The following SORCS2 variants were observed in gnomAD, a reference collection of about 807,000 sequenced individuals.
SORCS2 encodes the protein sortilin related VPS10 domain containing receptor 2.
A neutral mutation model predicts 141.6 loss-of-function variants in SORCS2; 100 were observed. The ratio of observed to expected loss-of-function variants is 0.71; its 90% confidence interval spans 0.60 to 0.83. The LOEUF is 0.83. Ranked by LOEUF, SORCS2 falls within the 40% of genes least tolerant of loss-of-function variation. SORCS2 has a pLI of 0.00. For synonymous variants in SORCS2, 789 were observed against 676.9 expected (o/e 1.17, Z -2.57); for missense variants, 1,646 against 1,560.2 (o/e 1.05, Z -0.93).
intron 3 of SORCS2, among the ~76,000 whole-genome samples, chr4:7,600,612 A>G (rs1232567082): frequency 1.3e-5 from 2 of 151,094 alleles, no homozygotes; most frequent in African/African-American, 4.9e-5. Flanking sequence ...CGGTAGAGGG[A>G]ATTCCTAGCC....
chr4:7,583,375 C>T (rs1007133649), intron 3 of SORCS2, among the ~76,000 whole-genome samples: 2 of 152,186 alleles, frequency 1.3e-5, no homozygotes, highest in African/African-American at 4.8e-5. Flanking sequence ...TAGAAAAAAA[C>T]CCTGGAGCTA....
At chr4:7,707,139 C>T (rs1300067855) in intron 14 of SORCS2, among the ~76,000 whole-genome samples, 5 of 152,216 alleles carry the variant, frequency 3.3e-5, no homozygotes, top group Non-Finnish European at 2.9e-5. Context: ...AGGTGGGACC[C>T]CCTATGAGGA....
intron 3 of SORCS2, among the ~76,000 whole-genome samples, chr4:7,618,466 C>T (rs1317937445): frequency 6.6e-6 from 1 of 152,184 alleles, no homozygotes; most frequent in Admixed American, 6.5e-5. Context: ...CCAATGGTTC[C>T]CCATCCCACA....
chr4:7,278,256 C>T (rs562660882), intron 1 of SORCS2, among the ~76,000 whole-genome samples: 2 of 152,338 alleles, frequency 1.3e-5, no homozygotes, highest in South Asian at 2.1e-4. Context: ...GGGCATCCCT[C>T]TCTCCTCTGA....
At chr4:7,297,096 C>T (rs1297932620) in intron 1 of SORCS2, among the ~76,000 whole-genome samples, 1 of 152,146 alleles carries the variant, frequency 6.6e-6, no homozygotes, top group Non-Finnish European at 1.5e-5. Context: ...TGGGGGGGTC[C>T]TCCCCACCTC....
chr4:7,236,484 G>T (rs1266594976), intron 1 of SORCS2, among the ~76,000 whole-genome samples: 1 of 152,180 alleles, frequency 6.6e-6, no homozygotes, highest in Non-Finnish European at 1.5e-5. Context: ...AGGGGTTGAT[G>T]GCGTAGGTGA....
At chr4:7,282,649 G>T (rs1305069807) in intron 1 of SORCS2, among the ~76,000 whole-genome samples, 1 of 152,198 alleles carries the variant, frequency 6.6e-6, no homozygotes, top group Non-Finnish European at 1.5e-5. Context: ...TCTTTGGGTG[G>T]TGTCAGTCAC....
chr4:7,294,134 A>G (rs982216315), intron 1 of SORCS2, among the ~76,000 whole-genome samples: 9 of 152,170 alleles, frequency 5.9e-5, no homozygotes, highest in Non-Finnish European at 1.0e-4. Flanking sequence ...ACGTCTCATC[A>G]GCTGAGAGGT....
intron 2 of SORCS2, among the ~76,000 whole-genome samples, chr4:7,402,472 C>A (rs1724654714): frequency 6.6e-6 from 1 of 152,164 alleles, no homozygotes; most frequent in South Asian, 2.1e-4. Flanking sequence ...TTGAAGTTTG[C>A]TTTATGTGCC....
At chr4:7,378,139 G>T (rs1292188260) in intron 1 of SORCS2, among the ~76,000 whole-genome samples, 1 of 152,176 alleles carries the variant, frequency 6.6e-6, no homozygotes, top group African/African-American at 2.4e-5. Flanking sequence ...AATACAGATG[G>T]GGTGGGTAGG....
rs114783107 is a variant in SORCS2, at chr4:7,261,716, A to G, written c.480+68590A>G. Among the ~76,000 whole-genome samples, 478 of 152,342 alleles carry G rather than the reference A, an allele frequency of 3.1e-3. 2 individuals are homozygous for G. The highest frequency in any genetic ancestry group is 0.011 in the African/African-American group (462 of 41,580). The stretch of plus-strand genomic sequence containing the variant: ...GCAAGCTGCCTGAGGCACTGGATTG[A>G]GTACTAATAAAAGGAAAAAACACCT... On this transcript the variant is annotated intron_variant, in intron 1 of 26. Transcript: ENST00000507866.
At chr4:7,375,875 C>T (rs538155004) in intron 1 of SORCS2, among the ~76,000 whole-genome samples, 1 of 133,066 alleles carries the variant, frequency 7.5e-6, no homozygotes, top group Admixed American at 7.0e-5. Flanking sequence ...ACTTTCCCTA[C>T]CATCGGCCGC....
At chr4:7,424,095 C>G (rs913160873) in intron 2 of SORCS2, among the ~76,000 whole-genome samples, 1 of 152,164 alleles carries the variant, frequency 6.6e-6, no homozygotes, top group African/African-American at 2.4e-5. Flanking sequence ...ATTCCCAGGA[C>G]CTTGGTCCCT....
chr4:7,615,627 A>C (rs1420530221), intron 3 of SORCS2, among the ~76,000 whole-genome samples: 1 of 152,224 alleles, frequency 6.6e-6, no homozygotes, highest in Non-Finnish European at 1.5e-5. Context: ...CATCACCTGA[A>C]ATAACTTCCT....
At chr4:7,590,236 A>G (rs1049419121) in intron 3 of SORCS2, among the ~76,000 whole-genome samples, 1 of 152,222 alleles carries the variant, frequency 6.6e-6, no homozygotes, top group Admixed American at 6.5e-5. Flanking sequence ...GACTAGTTTG[A>G]ATTTAAATAT....
Position 7,198,812 on chromosome 4 carries a change from C to T in SORCS2, c.480+5686C>T, listed in dbSNP as rs563223186. Among the ~76,000 whole-genome samples the T allele has an allele frequency of 7.2e-5, 11 of 152,158 alleles. No homozygotes were observed. The East Asian group carries it at 7.7e-4, about 11-fold the overall frequency. ...GCCGGGGACTCTGTGTGGAGAGAGG[C>T]GGCAGCACATGGGGACATGCAGAGG... On this transcript the variant is annotated intron_variant, in intron 1 of 26. Transcript: ENST00000507866.
At chr4:7,464,968 C>T (rs956140634) in intron 2 of SORCS2, among the ~76,000 whole-genome samples, 4 of 152,244 alleles carry the variant, frequency 2.6e-5, no homozygotes, top group Non-Finnish European at 5.9e-5. Flanking sequence ...AGCCTGAGGC[C>T]ACGTGGTGTC....
intron 1 of SORCS2, among the ~76,000 whole-genome samples, chr4:7,235,468 G>T (rs1712201521): frequency 6.6e-6 from 1 of 152,144 alleles, no homozygotes; most frequent in South Asian, 2.1e-4. Flanking sequence ...GGTCCCCTTA[G>T]CCTTGAGTGA....
chr4:7,740,361 C>T lies in SORCS2; in HGVS notation c.*97C>T. ...CGCCCCTCAGAGACCTGCGGAAAGCCCCCTCCCTGAGTCGTCGCCACACCA... is the reference window on the plus strand; with the variant it reads ...CGCCCCTCAGAGACCTGCGGAAAGCTCCCTCCCTGAGTCGTCGCCACACCA... On this transcript the variant is annotated 3_prime_UTR_variant, in exon 27 of 27. Coordinates refer to ENST00000507866, the MANE Select transcript of SORCS2 (RefSeq NM_020777.3). 2.6e-6 allele frequency: 3 copies of T among 1,157,314 alleles called. No individual in the cohort carries two copies. The highest frequency in any genetic ancestry group is 3.8e-6 in the Non-Finnish European group (3 of 799,236). The allele number at this position is 1,157,314 out of a possible 1,614,324, so 71.7% of individuals were successfully genotyped here. A position where few individuals can be genotyped will look rare whatever the true frequency, so the allele number is the denominator to read the frequency against.
Sources: gnomAD v4.1 joint callset for allele counts (sites outside exome capture counted in the v4.1 genomes callset) on GRCh38, gnomAD v4.1.1 for gene constraint, MANE v1.5 for transcripts, NCBI Gene and HGNC (gene_info 2026-07-23, HGNC 2026-07-21) for gene names.